Variants in MAML2 observed in about 807,000 individuals in gnomAD.
The protein encoded by MAML2 is mastermind like transcriptional coactivator 2.
Under a neutral mutation model 96.1 loss-of-function variants are expected in MAML2, and 22 were observed. The ratio of observed to expected loss-of-function variants is 0.23; its 90% CI spans 0.16 to 0.33. MAML2 has a LOEUF of 0.33. MAML2 is among the 10% of genes least tolerant of loss of function. MAML2 has a pLI of 1.00. For missense variants in MAML2, 1,367 were observed against 1,392.4 expected, an observed-to-expected ratio of 0.98 and a Z score of 0.29; for synonymous variants, 561 against 521.3, an observed-to-expected ratio of 1.08 and a Z score of -1.04.
intron 2 of MAML2, among the ~76,000 whole-genome samples, chr11:96,005,683 A>G (rs1216942173): frequency 2.6e-5 from 4 of 152,224 alleles, no homozygotes; most frequent in Non-Finnish European, 5.9e-5. Context: ...GAATAAATGT[A>G]TTAGGCTGAA....
chr11:96,335,760 C>A (rs1232198741), intron 1 of MAML2, among the ~76,000 whole-genome samples: 1 of 152,180 alleles, frequency 6.6e-6, no homozygotes, highest in African/African-American at 2.4e-5. Flanking sequence ...TTTGCTCTTA[C>A]CGGATCTCCA....
At chr11:96,215,533 T>G (rs886816603) in intron 1 of MAML2, among the ~76,000 whole-genome samples, 2 of 152,292 alleles carry the variant, frequency 1.3e-5, no homozygotes, top group African/African-American at 4.8e-5. Flanking sequence ...TGTTGTCCCC[T>G]CTTTGGGGCT....
At chr11:96,094,136 G>A (rs775499390) in intron 1 of MAML2, among the ~76,000 whole-genome samples, 4 of 152,126 alleles carry the variant, frequency 2.6e-5, no homozygotes, top group Non-Finnish European at 5.9e-5. Context: ...AGCCTATGTA[G>A]CAACCTTATG....
At chr11:96,016,475 C>T (rs1169898676) in intron 2 of MAML2, among the ~76,000 whole-genome samples, 1 of 152,190 alleles carries the variant, frequency 6.6e-6, no homozygotes, top group Non-Finnish European at 1.5e-5. Flanking sequence ...ACCCCTGTCC[C>T]TCCACCATGC....
At chr11:96,166,496 A>G (rs1407434832) in intron 1 of MAML2, among the ~76,000 whole-genome samples, 8 of 152,162 alleles carry the variant, frequency 5.3e-5, no homozygotes, top group Non-Finnish European at 1.2e-4. Flanking sequence ...GCACAGTGGA[A>G]GTTAGAAGAA....
At chr11:96,012,024 G>T (rs10765782) in intron 2 of MAML2, among the ~76,000 whole-genome samples, 86,295 of 152,052 alleles carry the variant, frequency 0.57, 24,954 homozygotes, top group East Asian at 0.79. Context: ...TTTTATTTAC[G>T]TCTTTTAGAA....
chr11:96,163,066 CT>C (rs1861138094), intron 1 of MAML2, among the ~76,000 whole-genome samples: 1 of 152,230 alleles, frequency 6.6e-6, no homozygotes, highest in East Asian at 1.9e-4. Flanking sequence ...ACTCACATTA[CT>C]CCTATGCCAA....
chr11:96,075,662 T>A (rs982152993), intron 2 of MAML2, among the ~76,000 whole-genome samples: 1 of 152,070 alleles, frequency 6.6e-6, no homozygotes, highest in African/African-American at 2.4e-5. Context: ...CTAGGGGAAG[T>A]CGGGTGGGGG....
intron 1 of MAML2, among the ~76,000 whole-genome samples, chr11:96,201,730 T>G (rs1861825057): frequency 6.6e-6 from 1 of 151,636 alleles, no homozygotes; most frequent in Admixed American, 6.6e-5. Context: ...CCATCCTGGC[T>G]AACACGGTGA....
At chr11:96,214,154 A>G (rs1862014702) in intron 1 of MAML2, among the ~76,000 whole-genome samples, 1 of 152,252 alleles carries the variant, frequency 6.6e-6, no homozygotes, top group South Asian at 2.1e-4. Flanking sequence ...TCTATGGAAT[A>G]TAATATATGT....
intron 1 of MAML2, among the ~76,000 whole-genome samples, chr11:96,120,165 G>C (rs1860312454): frequency 1.3e-5 from 2 of 152,222 alleles, no homozygotes; most frequent in South Asian, 4.2e-4. Flanking sequence ...TGCCGTGTTA[G>C]CCAGGATGGT....
At chr11:95,998,081 T>C (rs1858020123) in intron 2 of MAML2, among the ~76,000 whole-genome samples, 3 of 152,150 alleles carry the variant, frequency 2.0e-5, no homozygotes, top group African/African-American at 7.2e-5. Flanking sequence ...CTTCCTTATA[T>C]AGCAAAGCCT....
At chr11:96,106,980 C>CTTTT (rs71040129) in intron 1 of MAML2, among the ~76,000 whole-genome samples, 3 of 90,320 alleles carry the variant, frequency 3.3e-5, no homozygotes, top group East Asian at 7.7e-4. Context: ...GAAAAGAGTC[C>CTTTT]TTTTTTTTTT....
chr11:96,310,986 A>G (rs517140), intron 1 of MAML2, among the ~76,000 whole-genome samples: 72,341 of 152,018 alleles, frequency 0.48, 18,089 homozygotes, highest in Non-Finnish European at 0.56. Flanking sequence ...AGGAGTCCCA[A>G]CTATGTCTAG....
At chr11:96,253,203 C>T (rs1862611324) in intron 1 of MAML2, among the ~76,000 whole-genome samples, 1 of 152,172 alleles carries the variant, frequency 6.6e-6, no homozygotes, top group South Asian at 2.1e-4. Flanking sequence ...CCACAGCTTC[C>T]CTTTATTCTG....
intron 1 of MAML2, among the ~76,000 whole-genome samples, chr11:96,337,973 G>C (rs1359968233): frequency 6.6e-6 from 1 of 152,142 alleles, no homozygotes; most frequent in African/African-American, 2.4e-5. Context: ...CAAAACCAAG[G>C]GATGTAGGCT....
At chr11:96,126,698 G>A (rs1337462571) in intron 1 of MAML2, among the ~76,000 whole-genome samples, 1 of 152,198 alleles carries the variant, frequency 6.6e-6, no homozygotes, top group Non-Finnish European at 1.5e-5. Context: ...AGACTGGGAA[G>A]CGCTTTGAAA....
At chr11:96,169,560 C>A (rs1861248521) in intron 1 of MAML2, among the ~76,000 whole-genome samples, 1 of 152,208 alleles carries the variant, frequency 6.6e-6, no homozygotes, top group African/African-American at 2.4e-5. Context: ...ATAGTGAGTT[C>A]ATGGCTGGTT....
intron 1 of MAML2, among the ~76,000 whole-genome samples, chr11:96,095,290 G>A (rs1259523899): frequency 3.3e-5 from 5 of 152,178 alleles, no homozygotes; most frequent in African/African-American, 1.2e-4. Context: ...ATAGAGCTGA[G>A]TGGGAAAAAT....
Sources: gnomAD v4.1 joint callset for allele counts (sites outside exome capture counted in the v4.1 genomes callset) on GRCh38, gnomAD v4.1.1 for gene constraint, MANE v1.5 for transcripts, NCBI Gene and HGNC (gene_info 2026-07-23, HGNC 2026-07-21) for gene names.